SEMA3C: variants seen among roughly 807,000 people sequenced by gnomAD.
The protein encoded by SEMA3C is semaphorin 3C.
Under a neutral mutation model 89.4 loss-of-function variants are expected in SEMA3C, and 47 were observed. That is an observed-to-expected ratio of 0.53 (90% confidence interval 0.42 to 0.67). The LOEUF is 0.67. Ranked by LOEUF, SEMA3C falls within the 30% of genes least tolerant of loss-of-function variation. SEMA3C has a pLI of 0.00. For synonymous variants in SEMA3C, 310 were observed against 320.2 expected, an observed-to-expected ratio of 0.97 and a Z score of 0.34; for missense variants, 839 against 929.1, an observed-to-expected ratio of 0.90 and a Z score of 1.26.
chr7:80,840,135 A>G (rs1790228241), intron 2 of SEMA3C, among the ~76,000 whole-genome samples: 1 of 152,072 alleles, frequency 6.6e-6, no homozygotes, highest in Non-Finnish European at 1.5e-5. Flanking sequence ...ACAGCTCTCT[A>G]TGACATACTG....
intron 2 of SEMA3C, among the ~76,000 whole-genome samples, chr7:80,832,113 T>A (rs1790020644): frequency 6.6e-6 from 1 of 152,062 alleles, no homozygotes; most frequent in Non-Finnish European, 1.5e-5. Flanking sequence ...AGAGTATATC[T>A]AAAAAGCAAA....
intron 16 of SEMA3C, among the ~76,000 whole-genome samples, chr7:80,750,633 C>A (rs1475999048): frequency 2.6e-5 from 4 of 151,254 alleles, no homozygotes; most frequent in Non-Finnish European, 5.9e-5. Flanking sequence ...ATAAGCCAGT[C>A]ACAAAAGGAC....
chr7:80,910,045 T>C (rs990849724), intron 2 of SEMA3C, among the ~76,000 whole-genome samples: 2 of 152,194 alleles, frequency 1.3e-5, no homozygotes, highest in African/African-American at 4.8e-5. Context: ...GCCTTGCATT[T>C]CTGCAGATTT....
At chr7:80,773,658 T>C (rs745362783) in intron 12 of SEMA3C, among the ~76,000 whole-genome samples, 9 of 152,138 alleles carry the variant, frequency 5.9e-5, no homozygotes, top group South Asian at 4.1e-4. Flanking sequence ...TGTTTAAGCA[T>C]GGTGGTCCCA....
At chr7:80,902,675 C>T (rs958620242) in intron 2 of SEMA3C, among the ~76,000 whole-genome samples, 2 of 152,160 alleles carry the variant, frequency 1.3e-5, no homozygotes, top group Admixed American at 6.5e-5. Context: ...CACAACATCA[C>T]ACTAAAATAA....
intron 2 of SEMA3C, among the ~76,000 whole-genome samples, chr7:80,887,771 T>A (rs1026749027): frequency 6.6e-6 from 1 of 152,214 alleles, no homozygotes; most frequent in African/African-American, 2.4e-5. Flanking sequence ...TGGGAAAAAA[T>A]CTTAAAAGAC....
At chr7:80,881,600 G>A (rs1462569881) in intron 2 of SEMA3C, among the ~76,000 whole-genome samples, 1 of 152,118 alleles carries the variant, frequency 6.6e-6, no homozygotes, top group African/African-American at 2.4e-5. Flanking sequence ...CTTATCTTTT[G>A]TAATATGGAA....
At chr7:80,804,018 T>C in intron 8 of SEMA3C, 88 bp downstream of exon 8, 2 of 1,176,582 alleles carry the variant, frequency 1.7e-6, no homozygotes, top group South Asian at 3.9e-5. Flanking sequence ...TTTTATTTAT[T>C]TGTAATGGTT....
intron 2 of SEMA3C, among the ~76,000 whole-genome samples, chr7:80,872,490 T>C (rs1328764337): frequency 6.6e-6 from 1 of 152,072 alleles, no homozygotes; most frequent in Non-Finnish European, 1.5e-5. Context: ...ATCTCTTTAA[T>C]GTCTGTTTTA....
intron 11 of SEMA3C, among the ~76,000 whole-genome samples, chr7:80,795,125 CTTAACCT>C (rs1789031529): frequency 6.6e-6 from 1 of 152,124 alleles, no homozygotes. Context: ...AAGCAACATT[CTTAACCT>C]TAGAGAAGAG....
intron 2 of SEMA3C, among the ~76,000 whole-genome samples, chr7:80,868,385 A>T (rs1473797024): frequency 6.6e-6 from 1 of 152,068 alleles, no homozygotes; most frequent in African/African-American, 2.4e-5. Flanking sequence ...CTTGTGTCTC[A>T]GCCTCCCGAG....
At chr7:80,770,915 G>C (rs1405940762) in intron 12 of SEMA3C, among the ~76,000 whole-genome samples, 1 of 152,194 alleles carries the variant, frequency 6.6e-6, no homozygotes, top group Non-Finnish European at 1.5e-5. Context: ...CTCCATTTGA[G>C]AACAAGCAAT....
At chr7:80,761,113 G>A (rs1788173104) in intron 14 of SEMA3C, among the ~76,000 whole-genome samples, 1 of 151,934 alleles carries the variant, frequency 6.6e-6, no homozygotes, top group Non-Finnish European at 1.5e-5. Context: ...TTAAATTTGA[G>A]ACTTTTCTTT....
intron 1 of SEMA3C, chr7:80,918,547 A>G (rs1393488673): frequency 6.6e-6 from 1 of 152,250 alleles, no homozygotes; most frequent in East Asian, 1.9e-4. Context: ...CTGATCGCAA[A>G]CTAACAACAC....
intron 12 of SEMA3C, 44 bp downstream of exon 12, chr7:80,789,262 T>G: frequency 1.3e-6 from 2 of 1,495,374 alleles, no homozygotes; most frequent in Non-Finnish European, 1.8e-6. Flanking sequence ...TTTAGTACAT[T>G]CTTTTACTAC....
At chr7:80,786,560 G>C (rs1788807497) in intron 12 of SEMA3C, among the ~76,000 whole-genome samples, 1 of 152,160 alleles carries the variant, frequency 6.6e-6, no homozygotes, top group African/African-American at 2.4e-5. Context: ...AAAGAAAACT[G>C]TTTTTCTAAC....
At chr7:80,796,780 GT>G (rs1473257396) in intron 11 of SEMA3C, among the ~76,000 whole-genome samples, 1 of 152,068 alleles carries the variant, frequency 6.6e-6, no homozygotes, top group East Asian at 1.9e-4. Context: ...AAGATCAATT[GT>G]TCCACACAAA....
At chr7:80,835,434 T>C (rs1790103787) in intron 2 of SEMA3C, among the ~76,000 whole-genome samples, 1 of 152,168 alleles carries the variant, frequency 6.6e-6, no homozygotes, top group Non-Finnish European at 1.5e-5. Flanking sequence ...TAGGATATCT[T>C]TTACTTCAGA....
At chr7:80,875,128 G>A (rs1031529998) in intron 2 of SEMA3C, among the ~76,000 whole-genome samples, 1 of 150,716 alleles carries the variant, frequency 6.6e-6, no homozygotes, top group African/African-American at 2.5e-5. Context: ...TTCCTCATAG[G>A]TTGTTTTTTC....
Sources: gnomAD v4.1 joint callset for allele counts (sites outside exome capture counted in the v4.1 genomes callset) on GRCh38, gnomAD v4.1.1 for gene constraint, MANE v1.5 for transcripts, NCBI Gene and HGNC (gene_info 2026-07-23, HGNC 2026-07-21) for gene names.